CYP2A6: variants seen among roughly 807,000 people sequenced by gnomAD.
The protein encoded by CYP2A6 is cytochrome P450 family 2 subfamily A member 6.
In CYP2A6, 27 loss-of-function variants were observed where a neutral mutation model predicts 42.3. The observed-to-expected ratio is 0.64, with a 90% CI of 0.47 to 0.88. The LOEUF (loss-of-function observed/expected upper bound fraction) is 0.88, where lower values mean the gene tolerates loss of function less well. CYP2A6 is among the 40% of genes least tolerant of loss of function. CYP2A6 has a pLI of 0.00. For synonymous variants in CYP2A6, 238 were observed against 246.3 expected, an observed-to-expected ratio of 0.97 and a Z score of 0.31; for missense variants, 628 against 646.0, an observed-to-expected ratio of 0.97 and a Z score of 0.30.
chr19:40,845,709 G>A (rs55971367), intron 6 of CYP2A6, among the ~76,000 whole-genome samples: 15,077 of 151,358 alleles, frequency 0.1, 1,161 homozygotes, highest in African/African-American at 0.2. Context: ...GGGATGACCC[G>A]GTGGAACGGG....
intron 6 of CYP2A6, 148 bp from the exon 7 acceptor site, chr19:40,845,629 C>T: frequency 1.5e-6 from 2 of 1,371,030 alleles, no homozygotes; most frequent in South Asian, 1.5e-5. Context: ...CAGCCATTCG[C>T]ATTGTTGGAG....
At chr19:40,844,558 A>C in intron 8 of CYP2A6, 73 bp downstream of exon 8, 1 of 1,608,012 alleles carries the variant, frequency 6.2e-7, no homozygotes, top group Non-Finnish European at 8.5e-7. Context: ...GCTACACCGC[A>C]GAGAGGGGAG....
intron 6 of CYP2A6, 77 bp downstream of exon 6, chr19:40,845,879 A>T: frequency 6.4e-7 from 1 of 1,560,910 alleles, no homozygotes; most frequent in Non-Finnish European, 8.7e-7. Context: ...GATCTGGGAC[A>T]GGTGGGGACA....
Position 40,850,348 on chromosome 19 carries a change from T to C in CYP2A6, c.79A>G (p.Arg27Gly), listed in dbSNP as rs563981730. The change falls in exon 1 of 9, where the codon AGG becomes GGG. Residue 27 changes from arginine (R) to glycine (G), a missense_variant. By Grantham distance (125) the Arg-to-Gly change is moderately radical. This residue lies in a region of CYP2A6 where 606 missense variants were observed against 568.1 expected (regional missense o/e 1.07). Coordinates refer to ENST00000301141, the MANE Select transcript of CYP2A6 (RefSeq NM_000762.6). ...VMVLMSVWQQ[R>G]KSKGKLPPGP... is the part of the protein sequence containing the mutation. Reference sequence around the variant, plus strand: ...GGAGGCAGCTTCCCCTTGCTCTTCCTCTGCTGCCAAACAGACATCAAGACC... The same window carrying C: ...GGAGGCAGCTTCCCCTTGCTCTTCCCCTGCTGCCAAACAGACATCAAGACC... The C allele has an allele frequency of 1.7e-5, 28 of 1,610,136 alleles. 1 individual carries two copies. The South Asian group carries it at 2.6e-4, about 15-fold the overall frequency.
chr19:40,849,505 A>G (rs1967181864), intron 2 of CYP2A6, among the ~76,000 whole-genome samples: 1 of 151,386 alleles, frequency 6.6e-6, no homozygotes, highest in African/African-American at 2.4e-5. Flanking sequence ...AGACAAATGA[A>G]GACAGAGAAC....
Position 40,848,243 on chromosome 19 carries a change from C to A in CYP2A6, c.630G>T (p.Gln210His). The change falls in exon 4 of 9, where the codon CAG becomes CAT. Residue 210 changes from glutamine to histidine, a missense_variant. Around this residue, in one of 2 missense-constraint regions of CYP2A6, gnomAD observed 606 missense variants for 568.1 expected, o/e 1.07. Transcript: ENST00000301141. ...CCTGCCCCGTGGAGGTTGACGTGAA[C>A]TGGAAGATTCCTAGCATCATGCGCA... is the stretch of plus-strand genomic sequence containing the variant. ...SLLRMMLGIF[Q>H]FTSTSTGQLY... 2 of 1,611,824 alleles carry A rather than the reference C, an allele frequency of 1.2e-6. No individual in the cohort carries two copies. The highest frequency in any genetic ancestry group is 1.7e-6 in the Non-Finnish European group (2 of 1,179,920).
chr19:40,847,684 G>A (rs1486281712), intron 4 of CYP2A6, among the ~76,000 whole-genome samples: 1 of 151,592 alleles, frequency 6.6e-6, no homozygotes, highest in Non-Finnish European at 1.5e-5. Context: ...ATGTGTTTAA[G>A]GTGTTGGTTA....
chr19:40,847,535 T>C (rs767959403), intron 4 of CYP2A6, among the ~76,000 whole-genome samples: 2 of 151,392 alleles, frequency 1.3e-5, no homozygotes, highest in Non-Finnish European at 2.9e-5. Context: ...CTGGTGAAGA[T>C]GTTGAAGTGG....
chr19:40,845,513 C>T, intron 6 of CYP2A6, 32 bp from the exon 7 acceptor site: 1 of 1,608,172 alleles, frequency 6.2e-7, no homozygotes, highest in Non-Finnish European at 8.5e-7. Flanking sequence ...GTTTAGGTAT[C>T]TAGGGGTCTC....
In CYP2A6 at chr19:40,849,908, C is replaced by G; in HGVS notation, c.253G>C (p.Asp85His). The G allele has an allele frequency of 1.9e-6, 3 of 1,611,638 alleles. No individual in the cohort carries two copies. Among genetic ancestry groups the G allele is most frequent in the Non-Finnish European group, 2.5e-6 (3 of 1,179,756 alleles). ...TCCACCAGAGCCTCCCTGACGGCAT[C>G]ATGTCCACACAGCACCACGACCCGC... ...PRRVVVLCGH[D>H]AVREALVDQA... Residue 85 changes from aspartate (D) to histidine (H), a missense_variant, in exon 2 of 9, where the codon GAT (aspartate) becomes CAT (histidine). This residue lies in a region of CYP2A6 where 606 missense variants were observed against 568.1 expected (regional missense o/e 1.07). Transcript: ENST00000301141.
At chr19:40,848,018 G>C (rs562603344) in intron 4 of CYP2A6, among the ~76,000 whole-genome samples, 1 of 151,860 alleles carries the variant, frequency 6.6e-6, no homozygotes, top group Non-Finnish European at 1.5e-5. Context: ...CATCTGTTGA[G>C]CTATCCAGGT....
At position 40,850,247 on chromosome 19, in the gene CYP2A6, C is replaced by G. The variant is rs1967196834; in HGVS notation, c.180G>C (p.Lys60Asn). The change falls in exon 1 of 9, where the codon AAG becomes AAC. Residue 60 changes from lysine to asparagine, a missense_variant and splice_region_variant. Physicochemically the swap from Lys to Asn is moderately conservative, Grantham distance 94. Transcript: ENST00000301141. ...CACCCATCTCCCTGCCTTGGGACAC[C>G]TTCATGAGGGAGTTGTACATCTGCT... ...NTEQMYNSLM[K>N]ISERYGPVFT... The G allele has an allele frequency of 1.2e-6, 2 of 1,607,178 alleles. No individual in the cohort carries two copies. Among genetic ancestry groups the G allele is most frequent in the Admixed American group, 1.7e-5 (1 of 59,688 alleles).
intron 2 of CYP2A6, 61 bp from the exon 3 acceptor site, chr19:40,848,824 A>C (rs1967150425): frequency 6.4e-7 from 1 of 1,551,768 alleles, no homozygotes; most frequent in African/African-American, 1.4e-5. Context: ...GGAGCGGAGC[A>C]GCTCCAAGGG....
intron 2 of CYP2A6, among the ~76,000 whole-genome samples, chr19:40,848,999 AG>A (rs1568516047): frequency 3.4e-5 from 4 of 116,076 alleles, no homozygotes; most frequent in Non-Finnish European, 3.5e-5. Context: ...AGAGAGAGAG[AG>A]AGAGAGAGAG....
At chr19:40,844,350 A>G (rs2083444964) in intron 8 of CYP2A6, among the ~76,000 whole-genome samples, 1 of 151,226 alleles carries the variant, frequency 6.6e-6, no homozygotes, top group Non-Finnish European at 1.5e-5. Flanking sequence ...ACTTGCAAAT[A>G]TGACTGCTGT....
intron 2 of CYP2A6, among the ~76,000 whole-genome samples, chr19:40,849,035 A>AGAAGAGAGG (rs1386542545): frequency 4.4e-5 from 1 of 22,558 alleles, no homozygotes; most frequent in Non-Finnish European, 8.2e-5. Flanking sequence ...AGAGAGAGAG[A>AGAAGAGAGG]AGAGAGAGAG....
intron 6 of CYP2A6, among the ~76,000 whole-genome samples, chr19:40,845,709 G>C (rs55971367): frequency 6.6e-6 from 1 of 151,420 alleles, no homozygotes; most frequent in Admixed American, 6.6e-5. Context: ...GGGATGACCC[G>C]GTGGAACGGG....
chr19:40,848,987 GGAGAGAGAGA>G (rs1265457431), intron 2 of CYP2A6, among the ~76,000 whole-genome samples: 17 of 90,058 alleles, frequency 1.9e-4, no homozygotes, highest in Non-Finnish European at 2.7e-4. Context: ...AAGAGAGAGA[GGAGAGAGAGA>G]GAGAGAGAGA....
chr19:40,844,862 A>G, intron 7 of CYP2A6, 90 bp from the exon 8 acceptor site: 1 of 1,486,260 alleles, frequency 6.7e-7, no homozygotes, highest in South Asian at 1.3e-5. Context: ...AGTGTGCCCC[A>G]GGTAAGGGGA....
Sources: allele counts gnomAD v4.1 joint callset (sites outside exome capture counted in the v4.1 genomes callset), GRCh38; gene constraint gnomAD v4.1.1; regional missense constraint gnomAD v4.1.1; transcripts MANE v1.5; gene names NCBI Gene and HGNC (gene_info 2026-07-23, HGNC 2026-07-21).